Variants in ATG9A observed in about 807,000 individuals in gnomAD.
ATG9A encodes the protein autophagy-related protein 9A.
In ATG9A, 21 loss-of-function variants were observed where a neutral mutation model predicts 87.1. The ratio of observed to expected loss-of-function variants is 0.24; its 90% CI spans 0.17 to 0.35. The LOEUF (loss-of-function observed/expected upper bound fraction) is 0.35, where lower values mean the gene tolerates loss of function less well. Among genes scored for constraint, ATG9A ranks in the 10% least tolerant of loss-of-function variants. The pLI is 1.00. For missense variants in ATG9A, 836 were observed against 1,107.3 expected (o/e 0.76, Z 3.48); for synonymous variants, 422 against 441.3 (o/e 0.96, Z 0.55).
Position 219,223,903 on chromosome 2 carries a change from C to T in ATG9A, c.1385G>A (p.Arg462Gln), listed in dbSNP as rs748814135. The change falls in exon 9 of 16, where the codon CGG becomes CAG. Residue 462 changes from arginine (R) to glutamine (Q), a missense_variant. Around this residue, in one of 2 missense-constraint regions of ATG9A, gnomAD observed 512 missense variants for 759.6 expected, o/e 0.67. Coordinates refer to ENST00000361242, the MANE Select transcript of ATG9A (RefSeq NM_001077198.3). The surrounding 1 kb of genome is among the most constrained non-coding windows in gnomAD (Gnocchi z 4.7). Reference sequence around the variant, plus strand: ...CTGGAAGAGCTGGGCAAACTCGTCCCGGGTCTGCGAGCGGTGGGCATTACC... The same window carrying T: ...CTGGAAGAGCTGGGCAAACTCGTCCTGGGTCTGCGAGCGGTGGGCATTACC... ...WQGNAHRSQT[R>Q]DEFAQLFQYK... The T allele has an allele frequency of 1.2e-6, 2 of 1,614,036 alleles. No individual in the cohort carries two copies. The highest frequency in any genetic ancestry group is 1.7e-6 in the Non-Finnish European group (2 of 1,180,034).
chr2:219,221,290 G>A lies in ATG9A; in HGVS notation c.2158C>T (p.Gln720Ter). The A allele has an allele frequency of 1.3e-6, 2 of 1,559,966 alleles. No homozygotes were observed. The highest frequency in any genetic ancestry group is 1.7e-6 in the Non-Finnish European group (2 of 1,154,452). ...TGCCGCTCAGGTTCAGCCTGGGCCT[G>A]CTGCTTGTGGAGCTGGAGAAATGGG... is the stretch of plus-strand genomic sequence containing the variant. ...ALYMHQLHKQQAQAEPERHVW... is the reference protein window; with the variant it reads ...ALYMHQLHKQ Residue 720 changes from glutamine to a stop codon, truncating the protein, a stop_gained, in exon 14 of 16, where the codon CAG becomes TAG. Transcript: ENST00000361242. LOFTEE classifies it high-confidence loss of function.
Position 219,221,211 on chromosome 2 carries a change from C to G in ATG9A, c.2237G>C (p.Gly746Ala). The G allele has an allele frequency of 3.1e-6, 5 of 1,590,870 alleles. No homozygotes were observed. The highest frequency in any genetic ancestry group is 4.3e-6 in the Non-Finnish European group (5 of 1,168,952). Reference protein sequence around the residue: ...DESGESAPDEGGEGARAPQSI... With the variant: ...DESGESAPDEAGEGARAPQSI... ...CTGGGGGGCCCGGGCGCCCTCTCCC[C>G]CTTCATCAGGGGCGCTTTCTCCACT... Residue 746 changes from glycine (G) to alanine (A), a missense_variant, in exon 14 of 16, where the codon GGG becomes GCG. Physicochemically the swap from Gly to Ala is moderately conservative, Grantham distance 60. Transcript: ENST00000361242.
Position 219,222,501 on chromosome 2 carries a change from G to A in ATG9A, c.1849-51C>T. 6.5e-7 allele frequency: 1 copy of A among 1,546,890 alleles called. No homozygotes were observed. The highest frequency in any genetic ancestry group is 8.7e-7 in the Non-Finnish European group (1 of 1,146,902). On this transcript the variant is annotated intron_variant, in intron 11 of 15. Transcript: ENST00000361242. The surrounding 1 kb of genome is among the most constrained non-coding windows in gnomAD (Gnocchi z 4.3). The stretch of plus-strand genomic sequence containing the variant: ...TTCTTGAGGCAAGAGAAAGGTCTCT[G>A]GGGTCCCCTAGTATTCTGTATCTCA...
At chr2:219,227,024 G>A in intron 4 of ATG9A, 91 bp from the exon 5 acceptor site, 3 of 1,082,942 alleles carry the variant, frequency 2.8e-6, no homozygotes, top group African/African-American at 1.6e-5. Context: ...TCCTGGCTCT[G>A]TGACTTTCTA....
rs761625801 is a variant in ATG9A at position 219,223,961 on chromosome 2, C to T, written c.1327G>A (p.Ala443Thr). The change falls in exon 9 of 16, where the codon GCT (alanine) becomes ACT (threonine). Residue 443 changes from alanine to threonine, a missense_variant. By Grantham distance (58) the Ala-to-Thr change is moderately conservative (BLOSUM62 0). Transcript: ENST00000361242. This position sits in a 1 kb window ranked among gnomAD's most constrained non-coding sequence, Gnocchi z 4.7. ...CPEQLLRVIL[A>T]HIHYMPDHWQ... is the part of the protein sequence containing the mutation. ...TGGTCAGGCATGTAGTGGATGTGAGCGAGGATCACGCGGAGCAGCTGCTCA... is the reference window on the plus strand; with the variant it reads ...TGGTCAGGCATGTAGTGGATGTGAGTGAGGATCACGCGGAGCAGCTGCTCA... 9.9e-6 allele frequency: 16 copies of T among 1,613,932 alleles called. No individual in the cohort carries two copies. The highest frequency in any genetic ancestry group is 5.0e-5 in the Admixed American group (3 of 60,000).
At position 219,224,374 on chromosome 2, in the gene ATG9A, A is replaced by C. The variant is rs1210075473; in HGVS notation, c.997T>G (p.Ser333Ala). 2 of 1,613,804 alleles carry C rather than the reference A, an allele frequency of 1.2e-6. No homozygotes were observed. Among genetic ancestry groups the C allele is most frequent in the Non-Finnish European group, 1.7e-6 (2 of 1,180,028 alleles). Residue 333 changes from serine to alanine, a missense_variant, in exon 8 of 16, where the codon TCA becomes GCA. This residue lies in a region of ATG9A where 512 missense variants were observed against 759.6 expected (regional missense o/e 0.67). Transcript: ENST00000361242. This position sits in a 1 kb window ranked among gnomAD's most constrained non-coding sequence, Gnocchi z 7.7. ...EPGALGARCWSLYGRCYLRHF... is the reference protein window; with the variant it reads ...EPGALGARCWALYGRCYLRHF... ...CGGAGGTAGCAGCGGCCATAGAGTG[A>C]CCAGCAGCGTGCTCCCAGGGCCCCC...
In ATG9A at chr2:219,224,193, G is replaced by A. The variant is rs1559245165; in HGVS notation, c.1178C>T (p.Ala393Val). The change falls in exon 8 of 16, where the codon GCC becomes GTC. Residue 393 changes from alanine (A) to valine (V), a missense_variant. Ala to Val is a moderately conservative substitution (Grantham distance 64). This residue lies in a region of ATG9A where 512 missense variants were observed against 759.6 expected (regional missense o/e 0.67). Coordinates refer to ENST00000361242, the MANE Select transcript of ATG9A (RefSeq NM_001077198.3). The surrounding 1 kb of genome is among the most constrained non-coding windows in gnomAD (Gnocchi z 7.7). ...FAGSILAVLI[A>V]LTIYDEDVLA... ...CACATCTTCGTCATAAATGGTGAGG[G>A]CAATAAGCACAGCCAGGATGGAGCC... 1 of 1,613,668 alleles carries A rather than the reference G, an allele frequency of 6.2e-7. No individual in the cohort carries two copies. Among genetic ancestry groups the A allele is most frequent in the East Asian group, 2.2e-5 (1 of 44,896 alleles).
At position 219,225,436 on chromosome 2, in the gene ATG9A, A is replaced by C. The variant is rs760447863; in HGVS notation, c.349T>G (p.Leu117Val). Residue 117 changes from leucine (L) to valine (V), a missense_variant, in exon 6 of 16, where the codon TTG (leucine) becomes GTG (valine). By Grantham distance (32) the Leu-to-Val change is conservative. This residue lies in a region of ATG9A where 512 missense variants were observed against 759.6 expected (regional missense o/e 0.67). Transcript: ENST00000361242. ...PVKVTLPDAF[L>V]PAQVCSARIQ... ...CTGGCACTACAGACTTGAGCAGGCA[A>C]AAAGGCGTCTGGCAGAGTGACCTTG... 6 of 1,614,198 alleles carry C rather than the reference A, an allele frequency of 3.7e-6. No homozygotes were observed. Among genetic ancestry groups the C allele is most frequent in the Non-Finnish European group, 5.1e-6 (6 of 1,180,016 alleles).
Position 219,224,113 on chromosome 2 carries a change from C to T in ATG9A, c.1258G>A (p.Val420Met), listed in dbSNP as rs200848767. The T allele has an allele frequency of 5.1e-5, 82 of 1,612,670 alleles. No individual in the cohort carries two copies. The East Asian group carries it at 5.4e-4, about 11-fold the overall frequency. ...CCTGTGGCCCTGGCCCACCTGCACACGGTCACGGTGACCCCCAGGAGTGTG... is the reference window on the plus strand; with the variant it reads ...CCTGTGGCCCTGGCCCACCTGCACATGGTCACGGTGACCCCCAGGAGTGTG... ...TVTLLGVTVT[V>M]CRSFIPDQHM... Residue 420 changes from valine (V) to methionine (M), a missense_variant, in exon 8 of 16, where the codon GTG (valine) becomes ATG (methionine). Physicochemically the swap from Val to Met is conservative, Grantham distance 21. Coordinates refer to ENST00000361242, the MANE Select transcript of ATG9A (RefSeq NM_001077198.3). The surrounding 1 kb of genome is among the most constrained non-coding windows in gnomAD (Gnocchi z 7.7).
chr2:219,221,211 C>A lies in ATG9A; in HGVS notation c.2237G>T (p.Gly746Val), dbSNP rs766664246. ...DESGESAPDEGGEGARAPQSI... is the reference protein window; with the variant it reads ...DESGESAPDEVGEGARAPQSI... ...CTGGGGGGCCCGGGCGCCCTCTCCC[C>A]CTTCATCAGGGGCGCTTTCTCCACT... The change falls in exon 14 of 16, where the codon GGG (glycine) becomes GTG (valine). Residue 746 changes from glycine to valine, a missense_variant. Around this residue, in one of 2 missense-constraint regions of ATG9A, gnomAD observed 324 missense variants for 347.6 expected, o/e 0.93. Transcript: ENST00000361242. The A allele has an allele frequency of 6.3e-7, 1 of 1,590,870 alleles. No homozygotes were observed. Among genetic ancestry groups the A allele is most frequent in the East Asian group, 2.2e-5 (1 of 44,646 alleles).
rs1344825819 is a variant in ATG9A, at chr2:219,220,364, G to A, written c.*83C>T. The stretch of plus-strand genomic sequence containing the variant: ...CACGTGGGGCCAGGGAACACTCAGA[G>A]GAGCCGTCCCATGGCAGGCAGACGG... On this transcript the variant is annotated 3_prime_UTR_variant, in exon 16 of 16. Coordinates refer to ENST00000361242, the MANE Select transcript of ATG9A (RefSeq NM_001077198.3). 2.6e-6 allele frequency: 4 copies of A among 1,535,224 alleles called. No homozygotes were observed. The Admixed American group carries it at 5.1e-5, about 20-fold the overall frequency.
rs139971268 is a variant in ATG9A, at chr2:219,228,115, T to C, written c.-29-62A>G. The C allele has an allele frequency of 7.3e-4, 830 of 1,143,190 alleles. 11 individuals are homozygous for C. In the African/African-American group the frequency reaches 0.011, roughly 15 times the overall value. 70.8% of individuals were successfully genotyped at this position (1,143,190 alleles called of 1,614,324 possible). A position where few individuals can be genotyped will look rare whatever the true frequency, so the allele number is the denominator to read the frequency against. ...TCCAGCTGCTGCCCATGGGCTGCCCTGCCTACTGCCAAAAGGAGAAAGTAC... is the reference window on the plus strand; with the variant it reads ...TCCAGCTGCTGCCCATGGGCTGCCCCGCCTACTGCCAAAAGGAGAAAGTAC... On this transcript the variant is annotated intron_variant, in intron 2 of 15. Coordinates refer to ENST00000361242, the MANE Select transcript of ATG9A (RefSeq NM_001077198.3).
At position 219,224,907 on chromosome 2, in the gene ATG9A, C is replaced by T. The variant is rs1320421449; in HGVS notation, c.517-53G>A. Reference sequence around the variant, plus strand: ...GGTACGGAAGGTGGGGTTGTTGCCTCGACCCCTTTGCCCTATATTAGAAGT... The same window carrying T: ...GGTACGGAAGGTGGGGTTGTTGCCTTGACCCCTTTGCCCTATATTAGAAGT... On this transcript the variant is annotated intron_variant, in intron 7 of 15. Transcript: ENST00000361242. The surrounding 1 kb of genome is among the most constrained non-coding windows in gnomAD (Gnocchi z 7.7). 17 of 1,596,700 alleles carry T rather than the reference C, an allele frequency of 1.1e-5. No individual in the cohort carries two copies. In the African/African-American group the frequency reaches 1.1e-4, roughly 10 times the overall value.
chr2:219,223,578 C>A lies in ATG9A; in HGVS notation c.1599+7G>T. The A allele has an allele frequency of 6.3e-7, 1 of 1,590,756 alleles. No individual in the cohort carries two copies. The highest frequency in any genetic ancestry group is 1.7e-5 in the Admixed American group (1 of 57,210). Reference sequence around the variant, plus strand: ...CCAGGCCACCTGGCTCCCTCCTCTCCCAGTACCTGGGGATGACCATGCTGG... The same window carrying A: ...CCAGGCCACCTGGCTCCCTCCTCTCACAGTACCTGGGGATGACCATGCTGG... On this transcript the variant is annotated splice_region_variant and intron_variant, in intron 10 of 15. Coordinates refer to ENST00000361242, the MANE Select transcript of ATG9A (RefSeq NM_001077198.3). This position sits in a 1 kb window ranked among gnomAD's most constrained non-coding sequence, Gnocchi z 4.7.
In ATG9A at chr2:219,224,907, C is replaced by A; in HGVS notation, c.517-53G>T. ...GGTACGGAAGGTGGGGTTGTTGCCT[C>A]GACCCCTTTGCCCTATATTAGAAGT... On this transcript the variant is annotated intron_variant, in intron 7 of 15. Coordinates refer to ENST00000361242, the MANE Select transcript of ATG9A (RefSeq NM_001077198.3). This position sits in a 1 kb window ranked among gnomAD's most constrained non-coding sequence, Gnocchi z 7.7. 1 of 1,596,818 alleles carries A rather than the reference C, an allele frequency of 6.3e-7. No homozygotes were observed. The highest frequency in any genetic ancestry group is 1.7e-5 in the Admixed American group (1 of 59,680).
In ATG9A at chr2:219,224,838, C is replaced by A; in HGVS notation, c.533G>T (p.Cys178Phe). Residue 178 changes from cysteine (C) to phenylalanine (F), a missense_variant, in exon 8 of 16, where the codon TGC becomes TTC. Coordinates refer to ENST00000361242, the MANE Select transcript of ATG9A (RefSeq NM_001077198.3). This position sits in a 1 kb window ranked among gnomAD's most constrained non-coding sequence, Gnocchi z 7.7. ...LRIPMSALPYCTWQEVQARIV... is the reference protein window; with the variant it reads ...LRIPMSALPYFTWQEVQARIV... The stretch of plus-strand genomic sequence containing the variant: ...CCGGGCCTGCACTTCTTGCCACGTG[C>A]AATACGGAAGGGCAGACTGCGGGGT... 6.2e-7 allele frequency: 1 copy of A among 1,609,248 alleles called. No homozygotes were observed. Among genetic ancestry groups the A allele is most frequent in the Non-Finnish European group, 8.5e-7 (1 of 1,178,604 alleles).
In ATG9A at chr2:219,222,528, GC is replaced by G. The variant is rs1950783199; in HGVS notation, c.1849-79del. 2.6e-6 allele frequency: 4 copies of G among 1,560,058 alleles called. No individual in the cohort carries two copies. The highest frequency in any genetic ancestry group is 1.4e-5 in the African/African-American group (1 of 73,456). On this transcript the variant is annotated intron_variant, in intron 11 of 15. Coordinates refer to ENST00000361242, the MANE Select transcript of ATG9A (RefSeq NM_001077198.3). This position sits in a 1 kb window ranked among gnomAD's most constrained non-coding sequence, Gnocchi z 4.3. Reference sequence around the variant, plus strand: ...GGTCCCCTAGTATTCTGTATCTCAGGCCCCAGTGGCACATACTGAAGAGACA... The same window carrying G: ...GGTCCCCTAGTATTCTGTATCTCAGGCCCAGTGGCACATACTGAAGAGACA...
intron 5 of ATG9A, among the ~76,000 whole-genome samples, chr2:219,226,255 C>G (rs193074273): frequency 6.6e-6 from 1 of 152,080 alleles, no homozygotes; most frequent in Non-Finnish European, 1.5e-5. Context: ...GGATTACAGG[C>G]GTGTGCCACC....
rs994614002 is a variant in ATG9A, at chr2:219,224,291, G to A, written c.1080C>T (p.Pro360=). The part of the protein sequence containing the change: ...LQSRLNRGYK[P]ASKYMNCFLS... ...AGAAGCAATTCATGTACTTGGAGGC[G>A]GGCTTGTAGCCACGGTTGAGGCGGG... Residue 360 remains proline, a synonymous_variant, in exon 8 of 16, where the codon CCC becomes CCT. Coordinates refer to ENST00000361242, the MANE Select transcript of ATG9A (RefSeq NM_001077198.3). The surrounding 1 kb of genome is among the most constrained non-coding windows in gnomAD (Gnocchi z 7.7). 5 of 1,613,830 alleles carry A rather than the reference G, an allele frequency of 3.1e-6. No homozygotes were observed. The African/African-American group carries it at 4.0e-5, about 13-fold the overall frequency.
Sources: gnomAD v4.1 joint callset for allele counts (sites outside exome capture counted in the v4.1 genomes callset) on GRCh38, gnomAD v4.1.1 for gene constraint, gnomAD v4.1.1 regional missense constraint, Gnocchi (gnomAD v3.1) non-coding constraint, MANE v1.5 for transcripts, NCBI Gene and HGNC (gene_info 2026-07-23, HGNC 2026-07-21) for gene names.